Variants in SMPD3 observed in about 807,000 individuals in gnomAD.
SMPD3 encodes sphingomyelin phosphodiesterase 3.
A neutral mutation model predicts 55.7 loss-of-function variants in SMPD3; 21 were observed. The observed-to-expected ratio is 0.38, with a 90% CI of 0.27 to 0.54. SMPD3 has a LOEUF of 0.54. Among genes scored for constraint, SMPD3 ranks in the 20% least tolerant of loss-of-function variants. The pLI is 0.80. For synonymous variants in SMPD3, 457 were observed against 404.3 expected (o/e 1.13, Z -1.56); for missense variants, 842 against 899.6 (o/e 0.94, Z 0.82).
intron 1 of SMPD3, among the ~76,000 whole-genome samples, chr16:68,434,052 A>G (rs202172220): frequency 5.9e-5 from 9 of 152,348 alleles, no homozygotes; most frequent in East Asian, 1.9e-4. Flanking sequence ...AACTGCTATT[A>G]TAATTATATT....
intron 1 of SMPD3, among the ~76,000 whole-genome samples, chr16:68,410,556 T>C (rs529037743): frequency 1.7e-4 from 26 of 152,282 alleles, no homozygotes; most frequent in African/African-American, 6.0e-4. Flanking sequence ...ACTACTGGAT[T>C]TAAATCAGCC....
chr16:68,435,186 T>C (rs543471026), intron 1 of SMPD3, among the ~76,000 whole-genome samples: 1 of 152,032 alleles, frequency 6.6e-6, no homozygotes, highest in African/African-American at 2.4e-5. Flanking sequence ...AGAGAGAGGG[T>C]TCTAGGGCTG....
chr16:68,428,500 A>C (rs2090454802), intron 1 of SMPD3, among the ~76,000 whole-genome samples: 1 of 152,202 alleles, frequency 6.6e-6, no homozygotes, highest in Admixed American at 6.5e-5. Context: ...GGGACTTCTC[A>C]TCCTGGATTT....
chr16:68,382,104 T>C (rs2089962694), intron 2 of SMPD3: 1 of 152,210 alleles, frequency 6.6e-6, no homozygotes, highest in African/African-American at 2.4e-5. Flanking sequence ...ATCTTTTAAT[T>C]TGTAGTAGAA....
intron 2 of SMPD3, among the ~76,000 whole-genome samples, chr16:68,383,826 A>G (rs1245268127): frequency 6.6e-6 from 1 of 151,984 alleles, no homozygotes; most frequent in Non-Finnish European, 1.5e-5. Context: ...TCTCCCAAAT[A>G]GTTCTGGGCC....
intron 1 of SMPD3, among the ~76,000 whole-genome samples, chr16:68,401,780 T>C (rs1271281027): frequency 6.6e-6 from 1 of 152,188 alleles, no homozygotes; most frequent in Non-Finnish European, 1.5e-5. Context: ...CCTAGGACCA[T>C]ATAAATGCCT....
chr16:68,376,974 C>A (rs941545378), intron 2 of SMPD3, among the ~76,000 whole-genome samples: 7 of 152,206 alleles, frequency 4.6e-5, no homozygotes, highest in African/African-American at 1.7e-4. Context: ...TCCCTACCCG[C>A]TCCTGGTAGG....
At chr16:68,361,830 G>T in intron 7 of SMPD3, 71 bp from the exon 8 acceptor site, 5 of 1,487,094 alleles carry the variant, frequency 3.4e-6, no homozygotes, top group Non-Finnish European at 4.5e-6. Context: ...GCTGTGTGTG[G>T]AGCCATGGTC....
chr16:68,361,739 CCCT>C lies in SMPD3; in HGVS notation c.1727_1729del (p.Glu576del). The C allele has an allele frequency of 2.5e-6, 4 of 1,612,734 alleles. No individual in the cohort carries two copies. Among genetic ancestry groups the C allele is most frequent in the Non-Finnish European group, 2.5e-6 (3 of 1,179,956 alleles). Reference sequence around the variant, plus strand: ...GGGAAACGCCAGGTACTCCCTGCGGCCCTCCTCACTCTCCAGGACCCTGTCCAC... The same window carrying C: ...GGGAAACGCCAGGTACTCCCTGCGGCCCTCACTCTCCAGGACCCTGTCCAC... On this transcript the variant is annotated inframe_deletion, in exon 8 of 9. Coordinates refer to ENST00000219334, the MANE Select transcript of SMPD3 (RefSeq NM_018667.4).
In SMPD3 at chr16:68,372,004, T is replaced by C. The variant is rs2089684254; in HGVS notation, c.178A>G (p.Thr60Ala). The C allele has an allele frequency of 1.2e-6, 2 of 1,611,888 alleles. No homozygotes were observed. Among genetic ancestry groups the C allele is most frequent in the Admixed American group, 1.7e-5 (1 of 59,682 alleles). Residue 60 changes from threonine to alanine, a missense_variant, in exon 3 of 9, where the codon ACT (threonine) becomes GCT (alanine). Thr to Ala is a moderately conservative substitution (Grantham distance 58). Around this residue, in one of 2 missense-constraint regions of SMPD3, gnomAD observed 193 missense variants for 256.0 expected, o/e 0.75. Transcript: ENST00000219334. Reference protein sequence around the residue: ...DDPCCLQLLCTALFTPIYLAL... With the variant: ...DDPCCLQLLCAALFTPIYLAL... ...AGGTAGATGGGCGTGAAGAGGGCAG[T>C]GCAGAGCAGCTGCAGGCAGCACGGG...
At chr16:68,364,963 G>C (rs1268003996) in intron 4 of SMPD3, 54 bp downstream of exon 4, 9 of 1,613,530 alleles carry the variant, frequency 5.6e-6, no homozygotes, top group Non-Finnish European at 7.6e-6. Context: ...CCCCAGCTAG[G>C]CCCCAGGCAC....
intron 1 of SMPD3, among the ~76,000 whole-genome samples, chr16:68,412,936 A>C (rs2090313210): frequency 6.6e-6 from 1 of 152,254 alleles, no homozygotes; most frequent in African/African-American, 2.4e-5. Flanking sequence ...ACACCATCTT[A>C]AACATGTTAA....
At chr16:68,401,194 C>G (rs1176702292) in intron 1 of SMPD3, among the ~76,000 whole-genome samples, 1 of 152,192 alleles carries the variant, frequency 6.6e-6, no homozygotes, top group Non-Finnish European at 1.5e-5. Flanking sequence ...CACAGCATCC[C>G]TGCGTCTCAC....
At chr16:68,380,399 G>A (rs2089921754) in intron 2 of SMPD3, among the ~76,000 whole-genome samples, 1 of 152,278 alleles carries the variant, frequency 6.6e-6, no homozygotes, top group Admixed American at 6.5e-5. Flanking sequence ...CCGAACTGGA[G>A]CAATCACAGG....
At chr16:68,369,350 C>G (rs761376873) in intron 3 of SMPD3, 4 of 152,096 alleles carry the variant, frequency 2.6e-5, no homozygotes, top group Admixed American at 1.3e-4. Context: ...GGGGCTGTCC[C>G]AGGCAGACAC....
intron 1 of SMPD3, among the ~76,000 whole-genome samples, chr16:68,440,267 G>T (rs2090555959): frequency 6.6e-6 from 1 of 152,106 alleles, no homozygotes; most frequent in Admixed American, 6.5e-5. Flanking sequence ...TGCAATGTTG[G>T]CTCACTGCAG....
At chr16:68,437,312 T>G (rs1005217083) in intron 1 of SMPD3, among the ~76,000 whole-genome samples, 1 of 152,254 alleles carries the variant, frequency 6.6e-6, no homozygotes, top group South Asian at 2.1e-4. Context: ...TTTATTGTTA[T>G]CATTCTGATT....
intron 6 of SMPD3, 56 bp from the exon 7 acceptor site, chr16:68,363,615 T>G (rs1288800283): frequency 9.7e-6 from 15 of 1,553,946 alleles, no homozygotes; most frequent in Non-Finnish European, 7.9e-6. Context: ...AGGCAGCCTC[T>G]AGGGGGTGGC....
At chr16:68,400,209 G>A (rs1333472729) in intron 1 of SMPD3, among the ~76,000 whole-genome samples, 3 of 152,184 alleles carry the variant, frequency 2.0e-5, no homozygotes, top group Non-Finnish European at 4.4e-5. Flanking sequence ...CCTCAAATAC[G>A]TGTCGGGGGT....
Sources: allele counts gnomAD v4.1 joint callset (sites outside exome capture counted in the v4.1 genomes callset), GRCh38; gene constraint gnomAD v4.1.1; regional missense constraint gnomAD v4.1.1; transcripts MANE v1.5; gene names NCBI Gene and HGNC (gene_info 2026-07-23, HGNC 2026-07-21).